The following GAS7 variants were observed in gnomAD, a reference collection of about 807,000 sequenced individuals.
GAS7 encodes the protein growth arrest specific 7.
A neutral mutation model predicts 71.1 loss-of-function variants in GAS7; 28 were observed. The ratio of observed to expected loss-of-function variants is 0.39; its 90% CI spans 0.29 to 0.54. The LOEUF is 0.54. Among genes scored for constraint, GAS7 ranks in the 20% least tolerant of loss-of-function variants. GAS7 has a pLI of 0.62. For missense variants in GAS7, 436 were observed against 627.8 expected, an observed-to-expected ratio of 0.69 and a Z score of 3.27; for synonymous variants, 258 against 245.8, an observed-to-expected ratio of 1.05 and a Z score of -0.46.
intron 1 of GAS7, among the ~76,000 whole-genome samples, chr17:10,172,556 A>G (rs1421050800): frequency 6.6e-6 from 1 of 152,250 alleles, no homozygotes; most frequent in African/African-American, 2.4e-5. Context: ...ACAGAAAGGG[A>G]GACAATCAAA....
At chr17:10,137,842 C>T (rs958750989) in intron 1 of GAS7, among the ~76,000 whole-genome samples, 1 of 151,170 alleles carries the variant, frequency 6.6e-6, no homozygotes, top group African/African-American at 2.4e-5. Flanking sequence ...CGCCAGACCA[C>T]ATTGAAGTTT....
At chr17:10,186,127 A>AT (rs71139024) in intron 1 of GAS7, among the ~76,000 whole-genome samples, 8,818 of 146,010 alleles carry the variant, frequency 0.06, 422 homozygotes, top group East Asian at 0.18. Context: ...AATTTTTTGT[A>AT]TTTTTTTTTT....
chr17:10,134,786 T>G (rs1193010725), intron 1 of GAS7, among the ~76,000 whole-genome samples: 1 of 151,638 alleles, frequency 6.6e-6, no homozygotes, highest in Non-Finnish European at 1.5e-5. Context: ...GGCTACCCCC[T>G]GGGCAGACAG....
chr17:10,068,075 C>T (rs1435636883), intron 1 of GAS7, among the ~76,000 whole-genome samples: 1 of 152,166 alleles, frequency 6.6e-6, no homozygotes, highest in Non-Finnish European at 1.5e-5. Flanking sequence ...ACAAACCATA[C>T]CTGAGACTTC....
At chr17:10,016,009 CCAGTATCCCAAGACT>C (rs1434483055) in intron 2 of GAS7, among the ~76,000 whole-genome samples, 1 of 152,176 alleles carries the variant, frequency 6.6e-6, no homozygotes, top group Non-Finnish European at 1.5e-5. Context: ...TATTAAATCC[CCAGTATCCCAAGACT>C]CACTCTGCCT....
At chr17:9,970,142 G>C (rs535688680) in intron 3 of GAS7, among the ~76,000 whole-genome samples, 1 of 152,192 alleles carries the variant, frequency 6.6e-6, no homozygotes, top group African/African-American at 2.4e-5. Context: ...GGGGCGGGGG[G>C]CTCTCCACCA....
chr17:9,988,497 C>A (rs1266758497), intron 2 of GAS7, among the ~76,000 whole-genome samples: 1 of 152,206 alleles, frequency 6.6e-6, no homozygotes, highest in African/African-American at 2.4e-5. Flanking sequence ...CTCCTGCGCA[C>A]CAGAGTTTCC....
chr17:9,947,684 C>T (rs1013688458), intron 5 of GAS7, among the ~76,000 whole-genome samples: 24 of 150,868 alleles, frequency 1.6e-4, no homozygotes, highest in African/African-American at 5.9e-4. Context: ...GCAGAGGTTG[C>T]AGTGAGCCGA....
intron 2 of GAS7, among the ~76,000 whole-genome samples, chr17:10,000,936 C>T (rs7209866): frequency 0.24 from 35,835 of 152,062 alleles, 6,447 homozygotes; most frequent in African/African-American, 0.51. Context: ...TCCTTGCCTT[C>T]CAGCCTGGCA....
At chr17:10,135,242 T>C (rs1417148242) in intron 1 of GAS7, among the ~76,000 whole-genome samples, 1 of 152,156 alleles carries the variant, frequency 6.6e-6, no homozygotes, top group Non-Finnish European at 1.5e-5. Flanking sequence ...GAGGCAGTAA[T>C]CCCCAGGTGT....
intron 4 of GAS7, among the ~76,000 whole-genome samples, chr17:9,965,997 C>CTTTTTTT (rs1156705866): frequency 2.4e-5 from 3 of 122,962 alleles, no homozygotes; most frequent in Admixed American, 8.5e-5. Context: ...CCCCAAAATT[C>CTTTTTTT]TTTTTTTTTT....
At chr17:10,022,078 G>C (rs2072292258) in intron 1 of GAS7, among the ~76,000 whole-genome samples, 1 of 152,044 alleles carries the variant, frequency 6.6e-6, no homozygotes, top group African/African-American at 2.4e-5. Flanking sequence ...GGCAACATAG[G>C]AAGACTCCGT....
intron 1 of GAS7, among the ~76,000 whole-genome samples, chr17:10,045,040 CAA>C (rs5819261): frequency 0.013 from 1,056 of 82,162 alleles, 17 homozygotes; most frequent in African/African-American, 0.042. Flanking sequence ...GACTCCATCT[CAA>C]AAAAAAAAAA....
At chr17:10,016,602 CAA>C (rs1158379710) in intron 2 of GAS7, among the ~76,000 whole-genome samples, 1,608 of 84,748 alleles carry the variant, frequency 0.019, 64 homozygotes, top group East Asian at 0.18. Flanking sequence ...CTGTCTCTAC[CAA>C]AAAAAAAAAA....
intron 1 of GAS7, among the ~76,000 whole-genome samples, chr17:10,174,438 A>C (rs2142134826): frequency 6.6e-6 from 1 of 152,248 alleles, no homozygotes; most frequent in African/African-American, 2.4e-5. Context: ...CACATCTATA[A>C]TCCCAGCACT....
intron 1 of GAS7, among the ~76,000 whole-genome samples, chr17:10,074,609 C>G (rs1471067810): frequency 6.6e-6 from 1 of 152,130 alleles, no homozygotes; most frequent in African/African-American, 2.4e-5. Flanking sequence ...AATAGAAAAC[C>G]TGAATAGGTC....
At chr17:10,094,364 T>C (rs2073619292) in intron 1 of GAS7, among the ~76,000 whole-genome samples, 1 of 152,156 alleles carries the variant, frequency 6.6e-6, no homozygotes, top group East Asian at 1.9e-4. Context: ...AACACAAGAG[T>C]TAAAAGAATA....
chr17:10,033,354 T>C (rs1468632653), intron 1 of GAS7, among the ~76,000 whole-genome samples: 1 of 152,124 alleles, frequency 6.6e-6, no homozygotes, highest in Non-Finnish European at 1.5e-5. Context: ...ACAGAGAGAC[T>C]ATCCTCCCTA....
In GAS7 at chr17:10,019,783, T is replaced by C. The variant is rs1229226989; in HGVS notation, c.298A>G (p.Thr100Ala). 1.2e-6 allele frequency: 2 copies of C among 1,613,480 alleles called. No individual in the cohort carries two copies. Among genetic ancestry groups the C allele is most frequent in the African/African-American group, 1.3e-5 (1 of 74,894 alleles). Residue 100 changes from threonine (T) to alanine (A), a missense_variant, in exon 2 of 14, where the codon ACC (threonine) becomes GCC (alanine). Thr to Ala is a moderately conservative substitution (Grantham distance 58, BLOSUM62 0). Transcript: ENST00000432992. ...QGRRYYVNTT[T>A]NETTWERPSS... ...TCCCCCGAGCGGGACTCACCATTGG[T>C]GGTCGTGTTGACATAGTACCGCCGG... is the stretch of plus-strand genomic sequence containing the variant.
Sources: gnomAD v4.1 joint callset for allele counts (sites outside exome capture counted in the v4.1 genomes callset) on GRCh38, gnomAD v4.1.1 for gene constraint, MANE v1.5 for transcripts, NCBI Gene and HGNC (gene_info 2026-07-23, HGNC 2026-07-21) for gene names.